Variants in ENTREP1 observed in about 807,000 individuals in gnomAD.
The protein encoded by ENTREP1 is Friedreich ataxia region gene X123.
chr9:69,382,737 A>G, the ENTREP1 span: 2 of 152,322 alleles, frequency 1.3e-5, no homozygotes, highest in African/African-American at 4.8e-5. Context: ...TGAAACAACT[A>G]TAAATTCAGA....
At chr9:69,371,298 C>CT in the ENTREP1 span, 1 of 627,958 alleles carries the variant, frequency 1.6e-6, no homozygotes, top group Non-Finnish European at 2.8e-6. Context: ...ATTGAGAAGA[C>CT]TTAAGAGTCA....
chr9:69,352,012 T>C, the ENTREP1 span, among the ~76,000 whole-genome samples: 48 of 152,192 alleles, frequency 3.2e-4, no homozygotes, highest in Admixed American at 6.6e-5. Flanking sequence ...AAGATACATA[T>C]TACATATATT....
At chr9:69,386,518 A>T in the ENTREP1 span, 1 of 152,320 alleles carries the variant, frequency 6.6e-6, no homozygotes. Context: ...TTTTCTGAAT[A>T]TATGAATACC....
the ENTREP1 span, chr9:69,375,672 T>C: frequency 3.8e-6 from 5 of 1,321,086 alleles, no homozygotes; most frequent in Non-Finnish European, 5.4e-6. Context: ...TGGTGCTCCA[T>C]GGTAGAGCCA....
At chr9:69,324,843 T>C in the ENTREP1 span, 1 of 984,566 alleles carries the variant, frequency 1.0e-6, no homozygotes, top group Non-Finnish European at 1.2e-6. Flanking sequence ...CGCTCTTCTC[T>C]AGCCCCAGCT....
chr9:69,344,031 A>G, the ENTREP1 span, among the ~76,000 whole-genome samples: 3 of 152,246 alleles, frequency 2.0e-5, no homozygotes, highest in African/African-American at 7.2e-5. Context: ...ACCAAATCTA[A>G]TAGTAGTACA....
the ENTREP1 span, among the ~76,000 whole-genome samples, chr9:69,373,662 A>G: frequency 6.6e-6 from 1 of 152,126 alleles, no homozygotes; most frequent in African/African-American, 2.4e-5. Context: ...TGCCATTAAT[A>G]TCATTCTGTA....
chr9:69,329,686 G>A, the ENTREP1 span: 1 of 985,330 alleles, frequency 1.0e-6, no homozygotes, highest in Non-Finnish European at 1.2e-6. Flanking sequence ...AAACAACCTG[G>A]CATTTGACTG....
the ENTREP1 span, among the ~76,000 whole-genome samples, chr9:69,368,532 G>A: frequency 2.0e-5 from 3 of 152,084 alleles, no homozygotes; most frequent in Non-Finnish European, 2.9e-5. Flanking sequence ...TCTTTTTGAT[G>A]TGCTGTTAGA....
At chr9:69,325,481 T>C in the ENTREP1 span, 1 of 939,162 alleles carries the variant, frequency 1.1e-6, no homozygotes, top group Non-Finnish European at 1.3e-6. Context: ...GCGGCCTCGC[T>C]GCGCGGCCAC....
chr9:69,328,877 C>G, the ENTREP1 span, among the ~76,000 whole-genome samples: 270 of 151,914 alleles, frequency 1.8e-3, 2 homozygotes, highest in Non-Finnish European at 2.9e-3. Flanking sequence ...TCATTCTCCA[C>G]CACCCCCACC....
chr9:69,372,051 T>C, the ENTREP1 span, among the ~76,000 whole-genome samples: 1 of 152,240 alleles, frequency 6.6e-6, no homozygotes, highest in African/African-American at 2.4e-5. Context: ...CTATTTATTA[T>C]GTAGCATGCC....
chr9:69,364,036 T>C, the ENTREP1 span, among the ~76,000 whole-genome samples: 1 of 152,180 alleles, frequency 6.6e-6, no homozygotes, highest in Non-Finnish European at 1.5e-5. Flanking sequence ...TAAATTCAGA[T>C]GTCACAAGCA....
the ENTREP1 span, chr9:69,392,094 G>A: frequency 2.2e-6 from 1 of 449,240 alleles, no homozygotes; most frequent in Non-Finnish European, 4.0e-6. Flanking sequence ...CCTGGCATGG[G>A]CAGAAACTGG....
the ENTREP1 span, among the ~76,000 whole-genome samples, chr9:69,359,856 G>A: frequency 6.6e-6 from 1 of 152,114 alleles, no homozygotes; most frequent in Admixed American, 6.5e-5. Flanking sequence ...CATAGTTCCT[G>A]ATCTATTAAA....
At chr9:69,340,712 T>G in the ENTREP1 span, among the ~76,000 whole-genome samples, 1 of 146,834 alleles carries the variant, frequency 6.8e-6, no homozygotes, top group Non-Finnish European at 1.5e-5. Context: ...TGTGTATGTG[T>G]GTGTGCATGC....
the ENTREP1 span, among the ~76,000 whole-genome samples, chr9:69,364,306 G>A: frequency 1.3e-5 from 2 of 151,898 alleles, no homozygotes; most frequent in African/African-American, 4.8e-5. Flanking sequence ...CAGCAAACAA[G>A]TGGGAAAGCC....
chr9:69,337,091 C>T, the ENTREP1 span, among the ~76,000 whole-genome samples: 3 of 141,170 alleles, frequency 2.1e-5, no homozygotes, highest in Non-Finnish European at 3.0e-5. Context: ...CTCAGCTTAC[C>T]GCAACCTCTG....
At chr9:69,374,183 G>T in the ENTREP1 span, among the ~76,000 whole-genome samples, 9 of 152,020 alleles carry the variant, frequency 5.9e-5, no homozygotes, top group Non-Finnish European at 1.3e-4. Context: ...TTTTTATATT[G>T]TATCTGTTGT....
Sources: gnomAD v4.1 joint callset for allele counts (sites outside exome capture counted in the v4.1 genomes callset) on GRCh38, gnomAD v4.1.1 for gene constraint, MANE v1.5 for transcripts, NCBI Gene and HGNC (gene_info 2026-07-23, HGNC 2026-07-21) for gene names.